Variants in PHC2 observed in about 807,000 individuals in gnomAD.
PHC2 encodes polyhomeotic-like protein 2.
A neutral mutation model predicts 87.4 loss-of-function variants in PHC2; 29 were observed. That is an observed-to-expected ratio of 0.33 (90% CI 0.25 to 0.45). PHC2 has a LOEUF of 0.45. PHC2 is among the 20% of genes least tolerant of loss of function. The pLI, the probability that PHC2 is intolerant of heterozygous loss-of-function variation, is 1.00. For missense variants in PHC2, 857 were observed against 1,136.7 expected (o/e 0.75, Z 3.54); for synonymous variants, 438 against 461.7 (o/e 0.95, Z 0.66).
intron 9 of PHC2, among the ~76,000 whole-genome samples, chr1:33,339,172 C>T (rs1412880362): frequency 2.0e-5 from 3 of 152,166 alleles, no homozygotes; most frequent in African/African-American, 7.2e-5. Context: ...CTACCACTCA[C>T]TCAGTCACCT....
intron 1 of PHC2, among the ~76,000 whole-genome samples, chr1:33,418,893 C>CA (rs1235575642): frequency 6.6e-6 from 1 of 152,178 alleles, no homozygotes; most frequent in Non-Finnish European, 1.5e-5. Context: ...AGACTTTAGA[C>CA]ACTGTCACTT....
intron 1 of PHC2, among the ~76,000 whole-genome samples, chr1:33,421,545 C>T (rs979839461): frequency 6.6e-6 from 1 of 152,072 alleles, no homozygotes; most frequent in East Asian, 1.9e-4. Context: ...AAGATAAACC[C>T]AAATGAGCTC....
In PHC2 at chr1:33,382,169, CT is replaced by C. The variant is rs959703941; in HGVS notation, c.-54-6577del. On this transcript the variant is annotated intron_variant, in intron 1 of 14. Transcript: ENST00000683057. The surrounding 1 kb of genome is among the most constrained non-coding windows in gnomAD (Gnocchi z 4.3). ...GTGGACCCATATAACAGCTTTAAAA[CT>C]TTTTTTTCTACAGTTCCCCTTTTTG... 2.6e-5 allele frequency among the ~76,000 whole-genome samples: 4 copies of C among 152,018 alleles called. No homozygotes were observed. Among genetic ancestry groups the C allele is most frequent in the Admixed American group, 6.6e-5 (1 of 15,252 alleles).
In PHC2 at chr1:33,329,087, T is replaced by G; in HGVS notation, c.2208A>C (p.Glu736Asp). ...TAALQLTHSQ[E>D]DSSRCSDNSS... is the part of the protein sequence containing the mutation. ...AGTTATCTGAGCAACGGCTGGAGTCTTCCTGGCTGTGTGTTAGCTGCAAAG... is the reference window on the plus strand; with the variant it reads ...AGTTATCTGAGCAACGGCTGGAGTCGTCCTGGCTGTGTGTTAGCTGCAAAG... Residue 736 changes from glutamate (E) to aspartate (D), a missense_variant, in exon 14 of 15, where the codon GAA becomes GAC. By Grantham distance (45) the Glu-to-Asp change is conservative. Coordinates refer to ENST00000683057, the MANE Select transcript of PHC2 (RefSeq NM_001385109.1). The G allele has an allele frequency of 6.2e-7, 1 of 1,614,214 alleles. No individual in the cohort carries two copies. The highest frequency in any genetic ancestry group is 8.5e-7 in the Non-Finnish European group (1 of 1,180,028).
chr1:33,365,542 G>A (rs1300128081), intron 7 of PHC2, among the ~76,000 whole-genome samples: 1 of 152,168 alleles, frequency 6.6e-6, no homozygotes, highest in Admixed American at 6.5e-5. Context: ...CTCAGCTGTA[G>A]TCCAAGCTGC....
Position 33,375,548 on chromosome 1 carries a change from G to A in PHC2, c.-9C>T, listed in dbSNP as rs1401802388. The A allele has an allele frequency of 1.3e-6, 2 of 1,518,446 alleles. No individual in the cohort carries two copies. Among genetic ancestry groups the A allele is most frequent in the Non-Finnish European group, 1.8e-6 (2 of 1,125,408 alleles). The allele number at this position is 1,518,446 out of a possible 1,614,324, so 94.1% of individuals were successfully genotyped here. ...GGCAGCTCATTCTCCATGGCCTGCA[G>A]TGTGGCGCAGTCAGGGCGCTCGGAT... On this transcript the variant is annotated 5_prime_UTR_variant, in exon 2 of 15. Transcript: ENST00000683057.
At position 33,332,173 on chromosome 1, in the gene PHC2, C is replaced by A. The variant is rs1646514469; in HGVS notation, c.1891+102G>T. 12 of 1,353,006 alleles carry A rather than the reference C, an allele frequency of 8.9e-6. No homozygotes were observed. The South Asian group carries it at 1.4e-4, about 15-fold the overall frequency. The allele number at this position is 1,353,006 out of a possible 1,614,324, so 83.8% of individuals were successfully genotyped here. Reference sequence around the variant, plus strand: ...GCTGGGGGAAATGTTTACAGACTCGCTGGCTCAGGGTTCCTCTGGGGAAAC... The same window carrying A: ...GCTGGGGGAAATGTTTACAGACTCGATGGCTCAGGGTTCCTCTGGGGAAAC... On this transcript the variant is annotated intron_variant, in intron 11 of 14. Coordinates refer to ENST00000683057, the MANE Select transcript of PHC2 (RefSeq NM_001385109.1). The surrounding 1 kb of genome is among the most constrained non-coding windows in gnomAD (Gnocchi z 4.2).
intron 1 of PHC2, among the ~76,000 whole-genome samples, chr1:33,397,927 T>C (rs1649361311): frequency 6.6e-6 from 1 of 152,140 alleles, no homozygotes; most frequent in African/African-American, 2.4e-5. Flanking sequence ...GGAGGCATGC[T>C]TTTCACCGTA....
intron 3 of PHC2, among the ~76,000 whole-genome samples, chr1:33,371,634 C>T (rs1195432214): frequency 2.0e-5 from 3 of 152,250 alleles, no homozygotes; most frequent in Non-Finnish European, 4.4e-5. Flanking sequence ...CAAGTGTCAG[C>T]TCCAGTGTTA....
At chr1:33,397,908 G>A (rs554874917) in intron 1 of PHC2, among the ~76,000 whole-genome samples, 2 of 152,182 alleles carry the variant, frequency 1.3e-5, no homozygotes, top group East Asian at 1.9e-4. Context: ...TGCCTCCCGG[G>A]GAGTAGGGGG....
chr1:33,360,241 G>T (rs1002720164), intron 7 of PHC2, among the ~76,000 whole-genome samples: 2 of 152,364 alleles, frequency 1.3e-5, no homozygotes, highest in Admixed American at 1.3e-4. Flanking sequence ...GATTATGCTT[G>T]AAGGTTCTTA....
At position 33,382,314 on chromosome 1, in the gene PHC2, T is replaced by C. The variant is rs1227554474; in HGVS notation, c.-54-6721A>G. Among the ~76,000 whole-genome samples the C allele has an allele frequency of 6.6e-6, 1 of 152,138 alleles. No individual in the cohort carries two copies. Among genetic ancestry groups the C allele is most frequent in the Non-Finnish European group, 1.5e-5 (1 of 68,026 alleles). On this transcript the variant is annotated intron_variant, in intron 1 of 14. Transcript: ENST00000683057. The surrounding 1 kb of genome is among the most constrained non-coding windows in gnomAD (Gnocchi z 4.3). ...GGGCTACTGAGGCATCTGTGGACTC[T>C]CCTTACATCCTTCCCTCTGGTGACC...
Position 33,369,644 on chromosome 1 carries a change from A to G in PHC2, c.576+777T>C, listed in dbSNP as rs554912250. Among the ~76,000 whole-genome samples, 57 of 152,300 alleles carry G rather than the reference A, an allele frequency of 3.7e-4. No individual in the cohort carries two copies. The highest frequency in any genetic ancestry group is 1.3e-3 in the African/African-American group (52 of 41,566). ...AAGCTCCGAGGGTCACGTCCTGGCC[A>G]TAAGAGCAAAGGGAGGGGTGGGACT... On this transcript the variant is annotated intron_variant, in intron 5 of 14. Coordinates refer to ENST00000683057, the MANE Select transcript of PHC2 (RefSeq NM_001385109.1). This position sits in a 1 kb window ranked among gnomAD's most constrained non-coding sequence, Gnocchi z 4.7.
chr1:33,389,114 T>C (rs1648922620), intron 1 of PHC2, among the ~76,000 whole-genome samples: 1 of 148,736 alleles, frequency 6.7e-6, no homozygotes, highest in African/African-American at 2.5e-5. Context: ...ACAGATGAAG[T>C]TGGAAGAAGT....
intron 2 of PHC2, among the ~76,000 whole-genome samples, chr1:33,373,045 A>G (rs183016716): frequency 1.2e-4 from 19 of 152,336 alleles, no homozygotes; most frequent in Admixed American, 6.5e-5. Flanking sequence ...GAGTCCCATC[A>G]ATCCCTTAGA....
Position 33,355,228 on chromosome 1 carries a change from C to G in PHC2, c.1002G>C (p.Gln334His). ...APAYAQLQPH[Q>H]LLPQPSSKHL... Reference sequence around the variant, plus strand: ...GCTTTGAGGATGGCTGTGGGAGGAGCTGGTGTGGCTGCAGCTGAGCATAGG... The same window carrying G: ...GCTTTGAGGATGGCTGTGGGAGGAGGTGGTGTGGCTGCAGCTGAGCATAGG... Residue 334 changes from glutamine to histidine, a missense_variant, in exon 8 of 15, where the codon CAG becomes CAC. Coordinates refer to ENST00000683057, the MANE Select transcript of PHC2 (RefSeq NM_001385109.1). The G allele has an allele frequency of 1.3e-6, 2 of 1,586,526 alleles. No homozygotes were observed. Among genetic ancestry groups the G allele is most frequent in the Non-Finnish European group, 1.7e-6 (2 of 1,164,764 alleles).
chr1:33,410,707 G>A (rs1649947947), intron 1 of PHC2, among the ~76,000 whole-genome samples: 1 of 152,094 alleles, frequency 6.6e-6, no homozygotes, highest in Non-Finnish European at 1.5e-5. Flanking sequence ...ATCAGCTGAT[G>A]TCCTCCTCAG....
chr1:33,336,854 C>G (rs971308047), intron 9 of PHC2: 1 of 152,198 alleles, frequency 6.6e-6, no homozygotes, highest in African/African-American at 2.4e-5. Context: ...AGCCAGATGG[C>G]CCTCACATCC....
chr1:33,377,675 A>G (rs1265356482), intron 1 of PHC2, among the ~76,000 whole-genome samples: 1 of 151,922 alleles, frequency 6.6e-6, no homozygotes, highest in Non-Finnish European at 1.5e-5. Flanking sequence ...ATCTGCTTGT[A>G]GAGTATACCC....
Sources: allele counts gnomAD v4.1 joint callset (sites outside exome capture counted in the v4.1 genomes callset), GRCh38; gene constraint gnomAD v4.1.1; non-coding constraint Gnocchi (gnomAD v3.1); transcripts MANE v1.5; gene names NCBI Gene and HGNC (gene_info 2026-07-23, HGNC 2026-07-21).